Variants in ITGA1 observed in about 807,000 individuals in gnomAD.
ITGA1 encodes the protein integrin subunit alpha 1, also known as integrin alpha-1.
In ITGA1, 85 loss-of-function variants were observed where a neutral mutation model predicts 145.9. The ratio of observed to expected loss-of-function variants is 0.58; its 90% CI spans 0.49 to 0.70. The LOEUF is 0.70. Ranked by LOEUF, ITGA1 falls within the 30% of genes least tolerant of loss-of-function variation. The probability of loss-of-function intolerance (pLI) is 0.00; values close to 1 mark genes in which losing one functional copy is unlikely to be tolerated. For synonymous variants in ITGA1, 520 were observed against 495.3 expected, an observed-to-expected ratio of 1.05 and a Z score of -0.66; for missense variants, 1,351 against 1,418.7, an observed-to-expected ratio of 0.95 and a Z score of 0.77.
rs1461046389 is a variant in ITGA1 at position 52,956,149 on chromosome 5, C to G, written c.*3698C>G. 1 of 152,146 alleles carries G rather than the reference C, an allele frequency of 6.6e-6. No homozygotes were observed. The highest frequency in any genetic ancestry group is 1.5e-5 in the Non-Finnish European group (1 of 68,034). The allele number at this position is 152,146 out of a possible 1,614,324, so 9.4% of individuals were successfully genotyped here. A position where few individuals can be genotyped will look rare whatever the true frequency, so the allele number is the denominator to read the frequency against. On this transcript the variant is annotated 3_prime_UTR_variant, in exon 29 of 29. Transcript: ENST00000282588. Reference sequence around the variant, plus strand: ...ATCCCTGCCCATGTTCTCTCCAAGGCCACAGCTTGCACACCGTGAATGGTG... The same window carrying G: ...ATCCCTGCCCATGTTCTCTCCAAGGGCACAGCTTGCACACCGTGAATGGTG...
At chr5:52,887,777 T>G in intron 7 of ITGA1, 38 bp from the exon 8 acceptor site, 1 of 1,578,006 alleles carries the variant, frequency 6.3e-7, no homozygotes, top group South Asian at 1.2e-5. Context: ...TGTAAAGTGG[T>G]GTCTTATCAA....
chr5:52,899,152 T>C (rs1579706063), intron 11 of ITGA1, among the ~76,000 whole-genome samples: 1 of 152,176 alleles, frequency 6.6e-6, no homozygotes, highest in Non-Finnish European at 1.5e-5. Flanking sequence ...CAGGCATTGA[T>C]CTTAGTGCTG....
intron 1 of ITGA1, among the ~76,000 whole-genome samples, chr5:52,819,594 G>T (rs1027041733): frequency 3.3e-5 from 5 of 152,062 alleles, no homozygotes; most frequent in African/African-American, 1.2e-4. Context: ...CCATTCTGTA[G>T]GTTGCCTATT....
At chr5:52,798,556 G>T (rs1445176879) in intron 1 of ITGA1, among the ~76,000 whole-genome samples, 1 of 152,118 alleles carries the variant, frequency 6.6e-6, no homozygotes. Flanking sequence ...GATTTTGAGG[G>T]CTCCAAATTT....
chr5:52,877,408 G>A (rs775847741), intron 6 of ITGA1, among the ~76,000 whole-genome samples: 3 of 152,120 alleles, frequency 2.0e-5, no homozygotes, highest in Non-Finnish European at 4.4e-5. Context: ...TCCAACACCA[G>A]ATCAAATTGA....
At chr5:52,878,940 C>T (rs1561235196) in intron 6 of ITGA1, among the ~76,000 whole-genome samples, 1 of 141,796 alleles carries the variant, frequency 7.1e-6, no homozygotes, top group Non-Finnish European at 1.5e-5. Flanking sequence ...GTCATTGGAC[C>T]ATGGAATCTA....
At chr5:52,950,716 G>A (rs1445821069) in intron 28 of ITGA1, among the ~76,000 whole-genome samples, 1 of 152,160 alleles carries the variant, frequency 6.6e-6, no homozygotes, top group Non-Finnish European at 1.5e-5. Flanking sequence ...GATAACAGAA[G>A]TTATTTTAAA....
intron 7 of ITGA1, among the ~76,000 whole-genome samples, chr5:52,884,813 A>G (rs1326218654): frequency 1.3e-5 from 2 of 152,220 alleles, no homozygotes; most frequent in South Asian, 2.1e-4. Flanking sequence ...TCCCACATCG[A>G]CCAGTTATCT....
chr5:52,899,197 C>T (rs1422790910), intron 11 of ITGA1, among the ~76,000 whole-genome samples: 1 of 152,182 alleles, frequency 6.6e-6, no homozygotes, highest in Non-Finnish European at 1.5e-5. Context: ...ATACCTTGGC[C>T]TGGAAGCATT....
At chr5:52,906,251 G>C (rs1480018952) in intron 12 of ITGA1, among the ~76,000 whole-genome samples, 1 of 152,184 alleles carries the variant, frequency 6.6e-6, no homozygotes. Flanking sequence ...GTGCAGAAAA[G>C]CTTATTAGAA....
At chr5:52,937,333 C>T (rs1750983120) in intron 23 of ITGA1, 68 bp from the exon 24 acceptor site, 4 of 1,000,780 alleles carry the variant, frequency 4.0e-6, no homozygotes. Flanking sequence ...GAAAACAAAG[C>T]CCTACATAAG....
intron 11 of ITGA1, chr5:52,901,886 C>T (rs561477602): frequency 2.9e-4 from 44 of 152,220 alleles, no homozygotes; most frequent in African/African-American, 9.4e-4. Flanking sequence ...ATTTCATTAG[C>T]TTACTCACAA....
At chr5:52,821,966 G>T (rs928243964) in intron 1 of ITGA1, among the ~76,000 whole-genome samples, 2 of 152,102 alleles carry the variant, frequency 1.3e-5, no homozygotes, top group Non-Finnish European at 2.9e-5. Context: ...ACACAAGATT[G>T]CTTTTAGGAA....
At chr5:52,939,287 A>AAT (rs1751017678) in intron 24 of ITGA1, among the ~76,000 whole-genome samples, 1 of 151,422 alleles carries the variant, frequency 6.6e-6, no homozygotes, top group Non-Finnish European at 1.5e-5. Context: ...GATTAAGGTA[A>AAT]TAATGAATGT....
At chr5:52,791,786 A>G (rs904379967) in intron 1 of ITGA1, among the ~76,000 whole-genome samples, 1 of 152,222 alleles carries the variant, frequency 6.6e-6, no homozygotes, top group East Asian at 1.9e-4. Flanking sequence ...AGAAAAAATT[A>G]AAACTTTATA....
intron 1 of ITGA1, among the ~76,000 whole-genome samples, chr5:52,846,611 A>T (rs983516918): frequency 6.6e-6 from 1 of 152,226 alleles, no homozygotes; most frequent in East Asian, 1.9e-4. Context: ...AAAGACTATT[A>T]TGCAGAAGAT....
At chr5:52,943,859 A>G (rs1424702295) in intron 26 of ITGA1, among the ~76,000 whole-genome samples, 1 of 152,012 alleles carries the variant, frequency 6.6e-6, no homozygotes, top group African/African-American at 2.4e-5. Flanking sequence ...TCTCCAGGAC[A>G]CCCCGCAGCT....
In ITGA1 at chr5:52,918,627, T is replaced by C. The variant is rs962103396; in HGVS notation, c.1989-105T>C. ...AAATGGAGTCCTGAGCGCTGTATTA[T>C]ACATGAAGCAGAACCCTCTTCCATG... On this transcript the variant is annotated intron_variant, in intron 15 of 28. Coordinates refer to ENST00000282588, the MANE Select transcript of ITGA1 (RefSeq NM_181501.2). 4.8e-6 allele frequency: 5 copies of C among 1,036,134 alleles called. No homozygotes were observed. In the Admixed American group the frequency reaches 8.2e-5, roughly 17 times the overall value. The allele number at this position is 1,036,134 out of a possible 1,614,324, so 64.2% of individuals were successfully genotyped here. A position where few individuals can be genotyped will look rare whatever the true frequency, so the allele number is the denominator to read the frequency against.
intron 1 of ITGA1, chr5:52,800,803 G>T (rs1277438220): frequency 6.2e-7 from 1 of 1,612,292 alleles, no homozygotes; most frequent in South Asian, 1.1e-5. Flanking sequence ...GAGCGCTGAT[G>T]TGGCGGCTGT....
Sources: gnomAD v4.1 joint callset for allele counts (sites outside exome capture counted in the v4.1 genomes callset) on GRCh38, gnomAD v4.1.1 for gene constraint, MANE v1.5 for transcripts, NCBI Gene and HGNC (gene_info 2026-07-23, HGNC 2026-07-21) for gene names.